The following LRP1B variants were observed in gnomAD, a reference collection of about 807,000 sequenced individuals.
LRP1B encodes the protein low-density lipoprotein receptor-related protein 1B.
A neutral mutation model predicts 556.6 loss-of-function variants in LRP1B; 217 were observed. The observed-to-expected ratio is 0.39, with a 90% CI of 0.35 to 0.44. The LOEUF is 0.44. Ranked by LOEUF, LRP1B falls within the 20% of genes least tolerant of loss-of-function variation. LRP1B has a pLI of 1.00. For synonymous variants in LRP1B, 2,047 were observed against 1,865.8 expected (o/e 1.10, Z -2.50); for missense variants, 5,053 against 5,620.8 (o/e 0.90, Z 3.23).
intron 11 of LRP1B, among the ~76,000 whole-genome samples, chr2:141,036,216 C>T (rs376396018): frequency 2.0e-5 from 3 of 151,878 alleles, no homozygotes; most frequent in East Asian, 1.9e-4. Context: ...GAAGAAGAGG[C>T]GACTACCATA....
chr2:141,414,410 CT>C (rs1286388370), intron 3 of LRP1B, among the ~76,000 whole-genome samples: 1 of 149,950 alleles, frequency 6.7e-6, no homozygotes, highest in Admixed American at 6.6e-5. Context: ...ACAACTAAAG[CT>C]TCCCCCCTCA....
intron 1 of LRP1B, among the ~76,000 whole-genome samples, chr2:142,088,440 C>T (rs1273385978): frequency 6.6e-6 from 1 of 151,938 alleles, no homozygotes; most frequent in Non-Finnish European, 1.5e-5. Context: ...TAATATAAGC[C>T]ATAGTGAGTG....
At chr2:140,786,635 G>T (rs953499208) in intron 32 of LRP1B, among the ~76,000 whole-genome samples, 1 of 152,044 alleles carries the variant, frequency 6.6e-6, no homozygotes, top group South Asian at 2.1e-4. Context: ...AGAATTTGGA[G>T]GACAATGAAG....
intron 1 of LRP1B, among the ~76,000 whole-genome samples, chr2:142,039,626 C>T (rs1703997963): frequency 1.3e-5 from 2 of 151,494 alleles, no homozygotes; most frequent in African/African-American, 4.8e-5. Context: ...TGGGGATTGT[C>T]TCATTGCATT....
At chr2:141,975,102 C>G (rs1156952240) in intron 1 of LRP1B, among the ~76,000 whole-genome samples, 1 of 151,938 alleles carries the variant, frequency 6.6e-6, no homozygotes, top group African/African-American at 2.4e-5. Flanking sequence ...TCCACTTATC[C>G]AAATTAAATT....
intron 15 of LRP1B, among the ~76,000 whole-genome samples, chr2:141,002,714 A>G (rs1454164844): frequency 6.6e-6 from 1 of 152,052 alleles, no homozygotes; most frequent in Non-Finnish European, 1.5e-5. Context: ...TTATTTCAAG[A>G]TATATTCCAT....
rs770900012 is a variant in LRP1B, at chr2:140,541,904, G to A, written c.7262C>T (p.Ser2421Leu). Residue 2421 changes from serine to leucine, a missense_variant, in exon 44 of 91, where the codon TCG (serine) becomes TTG (leucine). By Grantham distance (145) the Ser-to-Leu change is moderately radical. Coordinates refer to ENST00000389484, the MANE Select transcript of LRP1B (RefSeq NM_018557.3). ...LAVYDNYIFWSDWGRRAILRS... is the reference protein window; with the variant it reads ...LAVYDNYIFWLDWGRRAILRS... ...CAGTATAGCTCTTCTTCCCCAGTCC[G>A]ACCAGAATATATAATTGTCATAAAC... 36 of 1,612,228 alleles carry A rather than the reference G, an allele frequency of 2.2e-5. No homozygotes were observed. Among genetic ancestry groups the A allele is most frequent in the African/African-American group, 4.0e-5 (3 of 74,804 alleles).
At chr2:141,766,692 C>A (rs1694745528) in intron 2 of LRP1B, among the ~76,000 whole-genome samples, 1 of 152,110 alleles carries the variant, frequency 6.6e-6, no homozygotes, top group African/African-American at 2.4e-5. Context: ...TGGATGATTA[C>A]AAGAGGCTTC....
rs560018376 is a variant in LRP1B at position 140,956,782 on chromosome 2, T to C, written c.2888-4842A>G. Among the ~76,000 whole-genome samples, 4 of 151,830 alleles carry C rather than the reference T, an allele frequency of 2.6e-5. No homozygotes were observed. The South Asian group carries it at 8.3e-4, about 31-fold the overall frequency. ...AAACAAGGCTTTGCGGGCAGGTAAATGTGGGTTCAAATCCTGACTGTATTG... is the reference window on the plus strand; with the variant it reads ...AAACAAGGCTTTGCGGGCAGGTAAACGTGGGTTCAAATCCTGACTGTATTG... On this transcript the variant is annotated intron_variant, in intron 18 of 90. Coordinates refer to ENST00000389484, the MANE Select transcript of LRP1B (RefSeq NM_018557.3).
At chr2:140,919,683 A>G (rs1694681044) in intron 21 of LRP1B, among the ~76,000 whole-genome samples, 1 of 152,050 alleles carries the variant, frequency 6.6e-6, no homozygotes, top group Non-Finnish European at 1.5e-5. Context: ...ATACTGTGCT[A>G]TATTTCTGTT....
Position 141,444,654 on chromosome 2 carries a change from C to A in LRP1B, c.343+35742G>T, listed in dbSNP as rs545556593. On this transcript the variant is annotated intron_variant, in intron 3 of 90. Coordinates refer to ENST00000389484, the MANE Select transcript of LRP1B (RefSeq NM_018557.3). ...AGTATGAAGGTGTGTTGAATTTTAT[C>A]AAAGGCCTTTTCTGCATCTATTGAG... Among the ~76,000 whole-genome samples the A allele has an allele frequency of 7.9e-5, 12 of 152,272 alleles. 1 individual carries two copies. The East Asian group carries it at 2.1e-3, about 27-fold the overall frequency.
At chr2:141,078,370 C>A (rs764714930) in intron 7 of LRP1B, among the ~76,000 whole-genome samples, 48 of 152,172 alleles carry the variant, frequency 3.2e-4, no homozygotes, top group Non-Finnish European at 6.5e-4. Context: ...AGTCCAGCTT[C>A]GTTGACATGG....
chr2:141,484,946 G>A (rs545691077), intron 2 of LRP1B, among the ~76,000 whole-genome samples: 1 of 152,216 alleles, frequency 6.6e-6, no homozygotes, highest in African/African-American at 2.4e-5. Context: ...ATCAAAGTTT[G>A]ATTTTTCACT....
chr2:142,013,384 T>C (rs550761167), intron 1 of LRP1B, among the ~76,000 whole-genome samples: 52 of 152,294 alleles, frequency 3.4e-4, no homozygotes, highest in African/African-American at 1.2e-3. Context: ...CTAGAACAGG[T>C]TGGCACTTTC....
chr2:141,598,605 T>C (rs1056127067), intron 2 of LRP1B, among the ~76,000 whole-genome samples: 2 of 152,274 alleles, frequency 1.3e-5, no homozygotes, highest in East Asian at 3.9e-4. Context: ...GCTATCTCTA[T>C]GGTATGCTTT....
intron 84 of LRP1B, among the ~76,000 whole-genome samples, chr2:140,293,341 T>C (rs1683471157): frequency 1.3e-5 from 2 of 152,192 alleles, no homozygotes; most frequent in Admixed American, 6.5e-5. Flanking sequence ...TAATTCTTGT[T>C]CTAGAATAGT....
chr2:140,514,534 A>G (rs1319787444), intron 51 of LRP1B, 119 bp downstream of exon 51: 2 of 816,710 alleles, frequency 2.4e-6, no homozygotes, highest in Non-Finnish European at 3.6e-6. Context: ...GCTACCTAGA[A>G]AGGTACACAT....
At chr2:141,334,269 T>C (rs1465415528) in intron 3 of LRP1B, among the ~76,000 whole-genome samples, 4 of 152,178 alleles carry the variant, frequency 2.6e-5, no homozygotes, top group African/African-American at 9.6e-5. Context: ...TCTAATGGTT[T>C]AAAACCATCC....
chr2:141,137,439 T>C (rs1007750314), intron 7 of LRP1B, among the ~76,000 whole-genome samples: 2 of 151,910 alleles, frequency 1.3e-5, no homozygotes, highest in African/African-American at 2.4e-5. Flanking sequence ...GCAGGCGAGA[T>C]GTAAAGGTTT....
Sources: allele counts gnomAD v4.1 joint callset (sites outside exome capture counted in the v4.1 genomes callset), GRCh38; gene constraint gnomAD v4.1.1; transcripts MANE v1.5; gene names NCBI Gene and HGNC (gene_info 2026-07-23, HGNC 2026-07-21).